The following CREB5 variants were observed in gnomAD, a reference collection of about 807,000 sequenced individuals.
CREB5 encodes cAMP responsive element binding protein 5, also known as cyclic AMP-responsive element-binding protein 5.
In CREB5, 19 loss-of-function variants were observed where a neutral mutation model predicts 57.1. The ratio of observed to expected loss-of-function variants is 0.33; its 90% CI spans 0.23 to 0.49. The LOEUF (loss-of-function observed/expected upper bound fraction) is 0.49. Among genes scored for constraint, CREB5 ranks in the 20% least tolerant of loss-of-function variants. The pLI is 0.99. For missense variants in CREB5, 579 were observed against 671.6 expected (o/e 0.86, Z 1.52); for synonymous variants, 238 against 238.3 (o/e 1.00, Z 0.01).
At chr7:28,711,056 A>G (rs1226511537) in intron 5 of CREB5, among the ~76,000 whole-genome samples, 1 of 152,200 alleles carries the variant, frequency 6.6e-6, no homozygotes, top group Non-Finnish European at 1.5e-5. Context: ...GCCCAGAGCA[A>G]TGAGCGAGAG....
At chr7:28,683,718 T>C (rs1583540571) in intron 5 of CREB5, among the ~76,000 whole-genome samples, 1 of 152,122 alleles carries the variant, frequency 6.6e-6, no homozygotes, top group Non-Finnish European at 1.5e-5. Context: ...ATCATCTCCT[T>C]TGTTACTTCC....
At chr7:28,471,625 T>C (rs1790812185) in intron 1 of CREB5, among the ~76,000 whole-genome samples, 1 of 152,190 alleles carries the variant, frequency 6.6e-6, no homozygotes, top group African/African-American at 2.4e-5. Flanking sequence ...AATTGTTTTG[T>C]CCATTTTATA....
chr7:28,774,466 G>T (rs903735305), intron 7 of CREB5, among the ~76,000 whole-genome samples: 9 of 152,192 alleles, frequency 5.9e-5, no homozygotes, highest in African/African-American at 2.2e-4. Context: ...CAAACACCCT[G>T]TGTGCTCTTC....
chr7:28,470,545 G>A (rs1790762194), intron 1 of CREB5, among the ~76,000 whole-genome samples: 1 of 152,124 alleles, frequency 6.6e-6, no homozygotes, highest in African/African-American at 2.4e-5. Context: ...ACAAGAATGT[G>A]GATATCTCTT....
At chr7:28,339,582 C>A (rs1785894022) in intron 1 of CREB5, among the ~76,000 whole-genome samples, 3 of 152,244 alleles carry the variant, frequency 2.0e-5, no homozygotes, top group East Asian at 1.9e-4. Context: ...CTGGCTTAGA[C>A]CTGAAGCTAG....
In CREB5 at chr7:28,618,044, T is replaced by C. The variant is rs79481433; in HGVS notation, c.464+47507T>C. Among the ~76,000 whole-genome samples, 1,377 of 152,254 alleles carry C rather than the reference T, an allele frequency of 9.0e-3. 17 individuals are homozygous for C. The highest frequency in any genetic ancestry group is 0.016 in the Non-Finnish European group (1,093 of 68,014). ...AGAGAAAAGCTTTATGAGAACGTGA[T>C]AGGAAGACATCGCTTCTAGGTGGAG... On this transcript the variant is annotated intron_variant, in intron 5 of 10. Transcript: ENST00000357727.
At chr7:28,405,063 G>A (rs771318769) in intron 1 of CREB5, among the ~76,000 whole-genome samples, 5 of 152,202 alleles carry the variant, frequency 3.3e-5, no homozygotes, top group Non-Finnish European at 7.3e-5. Flanking sequence ...CAGAGCAAAT[G>A]CTTGGTAAAT....
chr7:28,320,009 C>T (rs372851830), intron 1 of CREB5, among the ~76,000 whole-genome samples: 5 of 152,218 alleles, frequency 3.3e-5, no homozygotes, highest in South Asian at 2.1e-4. Flanking sequence ...TGGCTCACTG[C>T]AACCTCTGCC....
chr7:28,480,369 C>T (rs376813944), intron 1 of CREB5, among the ~76,000 whole-genome samples: 1 of 152,314 alleles, frequency 6.6e-6, no homozygotes, highest in East Asian at 1.9e-4. Context: ...AATTTCGTTG[C>T]TATCATAGTC....
intron 5 of CREB5, among the ~76,000 whole-genome samples, chr7:28,676,967 A>C (rs1185690471): frequency 6.6e-6 from 1 of 152,196 alleles, no homozygotes; most frequent in South Asian, 2.1e-4. Flanking sequence ...GACTGTTCAG[A>C]TGGGTGTTAT....
chr7:28,740,259 T>G (rs1181476020), intron 7 of CREB5, among the ~76,000 whole-genome samples: 1 of 152,214 alleles, frequency 6.6e-6, no homozygotes, highest in Non-Finnish European at 1.5e-5. Flanking sequence ...TTTATGAATT[T>G]TGTTCTCTGA....
chr7:28,537,772 A>G (rs779325519), intron 4 of CREB5, among the ~76,000 whole-genome samples: 23 of 152,232 alleles, frequency 1.5e-4, no homozygotes, highest in African/African-American at 5.5e-4. Context: ...CAAGCCCTGC[A>G]CATTGGAGTC....
intron 1 of CREB5, among the ~76,000 whole-genome samples, chr7:28,484,786 GTCTTC>G (rs541058703): frequency 7.9e-4 from 120 of 152,236 alleles, no homozygotes; most frequent in Non-Finnish European, 1.4e-3. Context: ...CTCAACTTGT[GTCTTC>G]TGAGGCATGA....
At chr7:28,356,038 C>A (rs1236813301) in intron 1 of CREB5, among the ~76,000 whole-genome samples, 2 of 152,164 alleles carry the variant, frequency 1.3e-5, no homozygotes, top group African/African-American at 2.4e-5. Context: ...CGGGTAAGAG[C>A]TTTGTAAACA....
At chr7:28,410,473 G>A (rs1052642818), upstream of CREB5, 1 of 456,688 alleles carries the variant, frequency 2.2e-6, no homozygotes, top group Non-Finnish European at 4.4e-6. Flanking sequence ...AGGAACCAAG[G>A]AGATGTTTTC....
chr7:28,804,986 A>G (rs1808622696), intron 8 of CREB5, among the ~76,000 whole-genome samples: 2 of 152,240 alleles, frequency 1.3e-5, no homozygotes, highest in South Asian at 4.1e-4. Flanking sequence ...ACAACAGGCA[A>G]TCTTCTGAGT....
Position 28,672,859 on chromosome 7 carries a change from C to A in CREB5, c.465-45894C>A, listed in dbSNP as rs574623410. On this transcript the variant is annotated intron_variant, in intron 5 of 10. Coordinates refer to ENST00000357727, the MANE Select transcript of CREB5 (RefSeq NM_182898.4). The stretch of plus-strand genomic sequence containing the variant: ...GGACTTTAAAATTTTCATGCTCCAA[C>A]ACTGTGTGAGATTGTATTAACAAAG... Among the ~76,000 whole-genome samples the A allele has an allele frequency of 3.3e-5, 5 of 152,322 alleles. 1 individual carries two copies. In the South Asian group the frequency reaches 1.0e-3, roughly 32 times the overall value.
Position 28,570,473 on chromosome 7 carries a change from G to A in CREB5, c.400G>A (p.Ala134Thr). Residue 134 changes from alanine to threonine, a missense_variant, in exon 5 of 11, where the codon GCC (alanine) becomes ACC (threonine). Physicochemically the swap from Ala to Thr is moderately conservative, Grantham distance 58 (BLOSUM62 0). Coordinates refer to ENST00000357727, the MANE Select transcript of CREB5 (RefSeq NM_182898.4). The stretch of plus-strand genomic sequence containing the variant: ...TGACACCAACGTTGTGATTCAGCAA[G>A]CCATGCCGTCGCCTCAGTCCAGCTC... ...NHDTNVVIQQ[A>T]MPSPQSSSVI... is the part of the protein sequence containing the mutation. 1 of 1,614,158 alleles carries A rather than the reference G, an allele frequency of 6.2e-7. No individual in the cohort carries two copies. Among genetic ancestry groups the A allele is most frequent in the Non-Finnish European group, 8.5e-7 (1 of 1,180,034 alleles).
chr7:28,708,588 A>G lies in CREB5; in HGVS notation c.465-10165A>G, dbSNP rs982838621. Among the ~76,000 whole-genome samples, 121 of 152,320 alleles carry G rather than the reference A, an allele frequency of 7.9e-4. 1 individual carries two copies. Among genetic ancestry groups the G allele is most frequent in the Non-Finnish European group, 6.8e-4 (46 of 68,018 alleles). ...GGGATAAGCAGAGGCTGCCGGGAAG[A>G]TCCAATAGATCTTTTATAAGAGTTC... On this transcript the variant is annotated intron_variant, in intron 5 of 10. Transcript: ENST00000357727.
Sources: allele counts gnomAD v4.1 joint callset (sites outside exome capture counted in the v4.1 genomes callset), GRCh38; gene constraint gnomAD v4.1.1; transcripts MANE v1.5; gene names NCBI Gene and HGNC (gene_info 2026-07-23, HGNC 2026-07-21).